Variants in PIP5K1C observed in about 807,000 individuals in gnomAD.
PIP5K1C encodes phosphatidylinositol 4-phosphate 5-kinase type-1 gamma.
In PIP5K1C, 45 loss-of-function variants were observed where a neutral mutation model predicts 80.1. The ratio of observed to expected loss-of-function variants is 0.56; its 90% CI spans 0.44 to 0.72. PIP5K1C has a LOEUF of 0.72. Among genes scored for constraint, PIP5K1C ranks in the 30% least tolerant of loss-of-function variants. The pLI is 0.00. For missense variants in PIP5K1C, 753 were observed against 954.6 expected, an observed-to-expected ratio of 0.79 and a Z score of 2.78; for synonymous variants, 498 against 420.1, an observed-to-expected ratio of 1.19 and a Z score of -2.27.
Position 3,667,332 on chromosome 19 carries a change from G to T in PIP5K1C, c.116C>A (p.Ala39Asp), listed in dbSNP as rs765916212. The T allele has an allele frequency of 2.5e-5, 41 of 1,612,806 alleles. No individual in the cohort carries two copies. In the South Asian group the frequency reaches 4.5e-4, roughly 18 times the overall value. ...GCTCCAGACACTCACCTCTGTTGGG[G>T]CCGCCTTCTTCTGAGCCAAACCTGC... ...AAAGLAQKKA[A>D]PTEVLSMTAQ... is the part of the protein sequence containing the mutation. Residue 39 changes from alanine to aspartate, a missense_variant, in exon 2 of 18, where the codon GCC (alanine) becomes GAC (aspartate). Coordinates refer to ENST00000335312, the MANE Select transcript of PIP5K1C (RefSeq NM_012398.3).
intron 1 of PIP5K1C, among the ~76,000 whole-genome samples, chr19:3,687,887 G>C (rs2035813818): frequency 6.6e-6 from 1 of 152,228 alleles, no homozygotes; most frequent in African/African-American, 2.4e-5. Flanking sequence ...CAGGCGGGCG[G>C]AGCATCCAGA....
At chr19:3,634,743 G>A (rs1052375279) in intron 16 of PIP5K1C, among the ~76,000 whole-genome samples, 2 of 152,166 alleles carry the variant, frequency 1.3e-5, no homozygotes, top group African/African-American at 4.8e-5. Context: ...TCCCTGCCTC[G>A]GGCTCTGCCT....
chr19:3,638,184 G>A (rs943287360), intron 16 of PIP5K1C, among the ~76,000 whole-genome samples: 1 of 152,204 alleles, frequency 6.6e-6, no homozygotes, highest in African/African-American at 2.4e-5. Context: ...TGCCTGATCT[G>A]AGTGGGACCA....
Position 3,646,205 on chromosome 19 carries a change from G to A in PIP5K1C, c.1261-147C>T, listed in dbSNP as rs1443718520. ...GGGTCCATGGCGCCATGGCTTCCTG[G>A]GAGGGGCTCACGGAACAGGGAACAG... is the stretch of plus-strand genomic sequence containing the variant. On this transcript the variant is annotated intron_variant, in intron 10 of 17. Coordinates refer to ENST00000335312, the MANE Select transcript of PIP5K1C (RefSeq NM_012398.3). 4.6e-6 allele frequency: 3 copies of A among 651,358 alleles called. No homozygotes were observed. The Admixed American group carries it at 6.6e-5, about 14-fold the overall frequency. 40.3% of individuals were successfully genotyped at this position (651,358 alleles called of 1,614,324 possible).
chr19:3,639,400 C>T (rs2033864425), intron 15 of PIP5K1C, among the ~76,000 whole-genome samples: 1 of 152,180 alleles, frequency 6.6e-6, no homozygotes, highest in Non-Finnish European at 1.5e-5. Context: ...AGAGATGGCA[C>T]CTAGCCGCTG....
At chr19:3,686,315 G>C (rs978859874) in intron 1 of PIP5K1C, among the ~76,000 whole-genome samples, 1 of 151,936 alleles carries the variant, frequency 6.6e-6, no homozygotes, top group Non-Finnish European at 1.5e-5. Flanking sequence ...AGCTACTCAG[G>C]AGGCTGAGGC....
At chr19:3,690,160 C>T (rs1232229669) in intron 1 of PIP5K1C, among the ~76,000 whole-genome samples, 2 of 151,264 alleles carry the variant, frequency 1.3e-5, no homozygotes, top group Non-Finnish European at 2.9e-5. Flanking sequence ...CGAGACATGG[C>T]TGTAGCATGA....
intron 16 of PIP5K1C, chr19:3,636,727 C>A (rs1051676247): frequency 3.0e-6 from 3 of 986,586 alleles, no homozygotes; most frequent in Non-Finnish European, 2.4e-6. Context: ...CAGAGGTGCT[C>A]GGAGAGGTTT....
intron 1 of PIP5K1C, 52 bp from the exon 2 acceptor site, chr19:3,667,405 G>A: frequency 1.2e-6 from 2 of 1,609,570 alleles, no homozygotes; most frequent in Middle Eastern, 3.3e-4. Flanking sequence ...ACCTCTGGGA[G>A]TCCTGGGCCC....
intron 8 of PIP5K1C, among the ~76,000 whole-genome samples, chr19:3,650,737 T>A (rs1426373840): frequency 6.6e-6 from 1 of 152,150 alleles, no homozygotes; most frequent in Non-Finnish European, 1.5e-5. Context: ...TCCACCACCG[T>A]TCCTATCTTC....
chr19:3,678,759 G>A (rs1321397698), intron 1 of PIP5K1C, among the ~76,000 whole-genome samples: 48 of 136,368 alleles, frequency 3.5e-4, no homozygotes, highest in Admixed American at 3.3e-3. Flanking sequence ...CAGAGGGATG[G>A]CGGGATGGCA....
At chr19:3,693,234 G>A (rs1304174855) in intron 1 of PIP5K1C, among the ~76,000 whole-genome samples, 1 of 152,154 alleles carries the variant, frequency 6.6e-6, no homozygotes, top group African/African-American at 2.4e-5. Context: ...CAGCAGCCCT[G>A]CCTGCAAAGT....
intron 1 of PIP5K1C, among the ~76,000 whole-genome samples, chr19:3,670,785 C>G (rs2035180959): frequency 6.6e-6 from 1 of 152,214 alleles, no homozygotes; most frequent in Non-Finnish European, 1.5e-5. Flanking sequence ...CTGGAGGGAT[C>G]TGGGGGACAG....
intron 1 of PIP5K1C, among the ~76,000 whole-genome samples, chr19:3,669,187 GGATT>G (rs1350752363): frequency 6.6e-6 from 1 of 152,176 alleles, no homozygotes; most frequent in Non-Finnish European, 1.5e-5. Flanking sequence ...CCCTCAAAGG[GGATT>G]ATTATGAGCC....
At chr19:3,640,974 A>G (rs1041981336) in intron 15 of PIP5K1C, among the ~76,000 whole-genome samples, 1 of 152,146 alleles carries the variant, frequency 6.6e-6, no homozygotes, top group African/African-American at 2.4e-5. Flanking sequence ...GGCATGAGCC[A>G]CCGTGCCTGG....
rs752984920 is a variant in PIP5K1C at position 3,652,047 on chromosome 19, AG to A, written c.922-17del. On this transcript the variant is annotated splice_polypyrimidine_tract_variant and intron_variant, in intron 7 of 17. Transcript: ENST00000335312. ...TTTCCAGGACCTGGCGGGATCGGGC[AG>A]GAACACGCCACGCCGTCAGCCGTCT... 40 of 1,611,546 alleles carry A rather than the reference AG, an allele frequency of 2.5e-5. No homozygotes were observed. Among genetic ancestry groups the A allele is most frequent in the Non-Finnish European group, 3.2e-5 (38 of 1,178,786 alleles).
chr19:3,668,861 G>T (rs1021345883), intron 1 of PIP5K1C, among the ~76,000 whole-genome samples: 3 of 152,196 alleles, frequency 2.0e-5, no homozygotes, highest in African/African-American at 7.2e-5. Context: ...CCAGGCGGAG[G>T]GAACGGCAGC....
rs1358401643 is a variant in PIP5K1C, at chr19:3,642,950, A to G, written c.1650-11T>C. 6.2e-7 allele frequency: 1 copy of G among 1,613,454 alleles called. No individual in the cohort carries two copies. Among genetic ancestry groups the G allele is most frequent in the East Asian group, 2.2e-5 (1 of 44,880 alleles). On this transcript the variant is annotated splice_polypyrimidine_tract_variant and intron_variant, in intron 13 of 17. Transcript: ENST00000335312. ...GACTGTGTGCGCCGCCTGCAGAGAT[A>G]CAGCAAACACGTGACACCCAGAAAG...
In PIP5K1C at chr19:3,697,604, T is replaced by TGCC. The variant is rs531174560; in HGVS notation, c.94+2690_94+2692dup. On this transcript the variant is annotated intron_variant, in intron 1 of 17. Coordinates refer to ENST00000335312, the MANE Select transcript of PIP5K1C (RefSeq NM_012398.3). The stretch of plus-strand genomic sequence containing the variant: ...TCTGGGCCAGTTCTGAAGGTGAAGC[T>TGCC]GCCATCATTTGCTGCCAGATCAGCC... Among the ~76,000 whole-genome samples, 29 of 152,204 alleles carry TGCC rather than the reference T, an allele frequency of 1.9e-4. 1 individual carries two copies. The East Asian group carries it at 4.6e-3, about 24-fold the overall frequency.
Sources: allele counts gnomAD v4.1 joint callset (sites outside exome capture counted in the v4.1 genomes callset), GRCh38; gene constraint gnomAD v4.1.1; transcripts MANE v1.5; gene names NCBI Gene and HGNC (gene_info 2026-07-23, HGNC 2026-07-21).